Variants in UBE2W observed in about 807,000 individuals in gnomAD.
The protein encoded by UBE2W is ubiquitin-conjugating enzyme E2 W.
Under a neutral mutation model 27.2 loss-of-function variants are expected in UBE2W, and 18 were observed. The observed-to-expected ratio is 0.66, with a 90% CI of 0.46 to 0.98. The LOEUF is 0.98. Among genes scored for constraint, UBE2W ranks in the 50% least tolerant of loss-of-function variants. UBE2W has a pLI of 0.00. For synonymous variants in UBE2W, 53 were observed against 57.2 expected (o/e 0.93, Z 0.33); for missense variants, 90 against 180.2 (o/e 0.50, Z 2.87).
chr8:73,873,821 G>C (rs1333084746), intron 1 of UBE2W, among the ~76,000 whole-genome samples: 1 of 152,142 alleles, frequency 6.6e-6, no homozygotes, highest in East Asian at 1.9e-4. Flanking sequence ...GGTAAGAGAG[G>C]AAGTAAATGC....
chr8:73,813,800 T>C (rs868383910), intron 3 of UBE2W, among the ~76,000 whole-genome samples: 7 of 152,052 alleles, frequency 4.6e-5, no homozygotes, highest in African/African-American at 1.7e-4. Context: ...TTGCCCAGGC[T>C]GGAGTGCAAT....
intron 1 of UBE2W, among the ~76,000 whole-genome samples, chr8:73,844,807 TG>T (rs1378222009): frequency 6.6e-6 from 1 of 150,808 alleles, no homozygotes; most frequent in African/African-American, 2.4e-5. Flanking sequence ...CGACCCCGTC[TG>T]GGAACTGAGG....
intron 1 of UBE2W, among the ~76,000 whole-genome samples, chr8:73,845,189 G>C (rs919169223): frequency 6.6e-6 from 1 of 152,208 alleles, no homozygotes; most frequent in Non-Finnish European, 1.5e-5. Context: ...CCTCTGCCTG[G>C]CCACCACCCT....
chr8:73,803,565 A>AC (rs1322406454), intron 5 of UBE2W, among the ~76,000 whole-genome samples: 1 of 151,230 alleles, frequency 6.6e-6, no homozygotes, highest in Non-Finnish European at 1.5e-5. Context: ...CTCCCTTCCC[A>AC]CCCCCACAAT....
At chr8:73,814,219 AT>A (rs1809293277) in intron 3 of UBE2W, among the ~76,000 whole-genome samples, 1 of 152,236 alleles carries the variant, frequency 6.6e-6, no homozygotes, top group Non-Finnish European at 1.5e-5. Context: ...ACAAGAAATT[AT>A]TAAGTTGTTT....
At position 73,791,436 on chromosome 8, in the gene UBE2W, T is replaced by G; in HGVS notation, c.*2666A>C. 1.0e-6 allele frequency: 1 copy of G among 985,122 alleles called. No homozygotes were observed. Among genetic ancestry groups the G allele is most frequent in the Non-Finnish European group, 1.2e-6 (1 of 829,762 alleles). 61.0% of individuals were successfully genotyped at this position (985,122 alleles called of 1,614,324 possible). ...GTACCTTATCTTCTAAGTATGAAAG[T>G]CTAATTCTGTAGGCCTATGTCGCAA... On this transcript the variant is annotated 3_prime_UTR_variant, in exon 6 of 6. Coordinates refer to ENST00000602593, the MANE Select transcript of UBE2W (RefSeq NM_018299.6).
chr8:73,796,318 T>C (rs551208205), intron 5 of UBE2W, among the ~76,000 whole-genome samples: 27 of 152,116 alleles, frequency 1.8e-4, no homozygotes, highest in Non-Finnish European at 3.5e-4. Context: ...GGGGATAAAT[T>C]TTAAGGTGAT....
At chr8:73,877,305 G>C (rs1384255426) in intron 1 of UBE2W, among the ~76,000 whole-genome samples, 1 of 152,142 alleles carries the variant, frequency 6.6e-6, no homozygotes, top group African/African-American at 2.4e-5. Flanking sequence ...CAACGTCTCT[G>C]GGGAGACTAG....
In UBE2W at chr8:73,792,593, C is replaced by T. The variant is rs1342200567; in HGVS notation, c.*1509G>A. The T allele has an allele frequency of 1.2e-5, 12 of 985,398 alleles. No individual in the cohort carries two copies. The highest frequency in any genetic ancestry group is 1.3e-5 in the Non-Finnish European group (11 of 829,772). The allele number at this position is 985,398 out of a possible 1,614,324, so 61.0% of individuals were successfully genotyped here. A position where few individuals can be genotyped will look rare whatever the true frequency, so the allele number is the denominator to read the frequency against. The stretch of plus-strand genomic sequence containing the variant: ...GCCAACTGGCTTTCAGTTTTAAGCC[C>T]AAATTGATTCATATATTCACTGCAG... On this transcript the variant is annotated 3_prime_UTR_variant, in exon 6 of 6. Transcript: ENST00000602593.
At chr8:73,828,442 A>T (rs1809939167) in intron 2 of UBE2W, among the ~76,000 whole-genome samples, 1 of 152,152 alleles carries the variant, frequency 6.6e-6, no homozygotes, top group African/African-American at 2.4e-5. Context: ...AACCTTTTCC[A>T]TATTATTGAC....
At chr8:73,805,481 C>A (rs1442742426) in intron 5 of UBE2W, among the ~76,000 whole-genome samples, 170 bp downstream of exon 5, 221 of 17,542 alleles carry the variant, frequency 0.013, no homozygotes, top group East Asian at 0.023. Context: ...ACAAAAAAAA[C>A]TAGGGTAATT....
intron 2 of UBE2W, among the ~76,000 whole-genome samples, chr8:73,826,973 T>A (rs564881266): frequency 2.0e-5 from 3 of 152,360 alleles, no homozygotes; most frequent in African/African-American, 7.2e-5. Flanking sequence ...ATTCCTTTCT[T>A]ATTTTTCCAC....
Position 73,793,296 on chromosome 8 carries a change from A to G in UBE2W, c.*806T>C. 1.0e-6 allele frequency: 1 copy of G among 985,844 alleles called. No individual in the cohort carries two copies. Among genetic ancestry groups the G allele is most frequent in the Non-Finnish European group, 1.2e-6 (1 of 829,924 alleles). 61.1% of individuals were successfully genotyped at this position (985,844 alleles called of 1,614,324 possible). The stretch of plus-strand genomic sequence containing the variant: ...TATGGACTGCAGCAATTTAATCATC[A>G]CTGCCATTTTTCTTACTTCCAAAAT... On this transcript the variant is annotated 3_prime_UTR_variant, in exon 6 of 6. Coordinates refer to ENST00000602593, the MANE Select transcript of UBE2W (RefSeq NM_018299.6).
chr8:73,833,149 C>T (rs1810151839), intron 1 of UBE2W, among the ~76,000 whole-genome samples: 1 of 130,714 alleles, frequency 7.7e-6, no homozygotes, highest in Admixed American at 9.3e-5. Context: ...TGCGCCACTG[C>T]ACTACAGCCT....
chr8:73,825,215 A>G lies in UBE2W; in HGVS notation c.142T>C (p.Leu48=). ...AGTTGAAATTTTTCCCCTTCATATA[A>G]GGTACCTGGTGCACCTTCCATGTCT... ...IVDMEGAPGT[L]YEGEKFQLLF... The change falls in exon 3 of 6, where the codon TTA becomes CTA. Residue 48 remains leucine, a synonymous_variant. Transcript: ENST00000602593. 1 of 1,563,526 alleles carries G rather than the reference A, an allele frequency of 6.4e-7. No individual in the cohort carries two copies. Among genetic ancestry groups the G allele is most frequent in the Non-Finnish European group, 8.7e-7 (1 of 1,152,464 alleles).
chr8:73,793,999 A>G lies in UBE2W; in HGVS notation c.*103T>C. ...TAAAAGGAAGTAGTCTTCATTGCCT[A>G]TAGGTCACTTCCAGTCAAAGGTTAA... On this transcript the variant is annotated 3_prime_UTR_variant, in exon 6 of 6. Transcript: ENST00000602593. The G allele has an allele frequency of 6.4e-7, 1 of 1,569,698 alleles. No individual in the cohort carries two copies. The highest frequency in any genetic ancestry group is 8.6e-7 in the Non-Finnish European group (1 of 1,159,724).
chr8:73,832,677 G>A (rs987368055), intron 1 of UBE2W, among the ~76,000 whole-genome samples: 8 of 152,128 alleles, frequency 5.3e-5, no homozygotes, highest in African/African-American at 1.4e-4. Flanking sequence ...GAACTGTTTC[G>A]GATTTACTGG....
At chr8:73,803,294 C>G (rs1305633168) in intron 5 of UBE2W, among the ~76,000 whole-genome samples, 2 of 152,120 alleles carry the variant, frequency 1.3e-5, no homozygotes, top group Non-Finnish European at 2.9e-5. Flanking sequence ...ATTCCTTCTC[C>G]AAAGGATTAC....
At chr8:73,800,073 T>C (rs1479854647) in intron 5 of UBE2W, among the ~76,000 whole-genome samples, 1 of 152,244 alleles carries the variant, frequency 6.6e-6, no homozygotes, top group Non-Finnish European at 1.5e-5. Flanking sequence ...GACAAGCTAT[T>C]ATTCACATTG....
Sources: gnomAD v4.1 joint callset for allele counts (sites outside exome capture counted in the v4.1 genomes callset) on GRCh38, gnomAD v4.1.1 for gene constraint, MANE v1.5 for transcripts, NCBI Gene and HGNC (gene_info 2026-07-23, HGNC 2026-07-21) for gene names.